Variants in EIF2AK3 observed in about 807,000 individuals in gnomAD.
EIF2AK3 encodes the protein eukaryotic translation initiation factor 2 alpha kinase 3.
In EIF2AK3, 50 loss-of-function variants were observed where a neutral mutation model predicts 113.5. The observed-to-expected ratio is 0.44, with a 90% CI of 0.35 to 0.56. The LOEUF (loss-of-function observed/expected upper bound fraction) is 0.56, where lower values mean the gene tolerates loss of function less well. Ranked by LOEUF, EIF2AK3 falls within the 20% of genes least tolerant of loss-of-function variation. The probability of loss-of-function intolerance (pLI) is 0.00; values close to 1 mark genes in which losing one functional copy is unlikely to be tolerated. For missense variants in EIF2AK3, 1,185 were observed against 1,378.0 expected (o/e 0.86, Z 2.22); for synonymous variants, 448 against 495.4 (o/e 0.90, Z 1.27).
chr2:88,608,696 A>G (rs994794795), intron 2 of EIF2AK3, among the ~76,000 whole-genome samples: 4 of 112,818 alleles, frequency 3.5e-5, no homozygotes, highest in Non-Finnish European at 7.4e-5. Flanking sequence ...GCAGTTTTTG[A>G]TTTCTTTTTT....
Position 88,627,308 on chromosome 2 carries a change from C to T in EIF2AK3, c.-34G>A, listed in dbSNP as rs1488359516. 1 of 1,465,370 alleles carries T rather than the reference C, an allele frequency of 6.8e-7. No individual in the cohort carries two copies. Among genetic ancestry groups the T allele is most frequent in the Admixed American group, 2.3e-5 (1 of 43,362 alleles). The allele number at this position is 1,465,370 out of a possible 1,614,324, so 90.8% of individuals were successfully genotyped here. On this transcript the variant is annotated 5_prime_UTR_variant, in exon 1 of 17. Coordinates refer to ENST00000303236, the MANE Select transcript of EIF2AK3 (RefSeq NM_004836.7). ...CGCCCCGCGCGCAGGCATGGAGGCGCAGCCACTGACGCCTGCCTCTCCCGC... is the reference window on the plus strand; with the variant it reads ...CGCCCCGCGCGCAGGCATGGAGGCGTAGCCACTGACGCCTGCCTCTCCCGC...
intron 6 of EIF2AK3, among the ~76,000 whole-genome samples, chr2:88,589,662 C>T (rs1193709777): frequency 1.3e-5 from 2 of 149,318 alleles, no homozygotes; most frequent in African/African-American, 2.4e-5. Context: ...ATATGTAATA[C>T]ATATATGTAA....
At chr2:88,558,579 C>T (rs1348178142) in intron 16 of EIF2AK3, among the ~76,000 whole-genome samples, 2 of 152,132 alleles carry the variant, frequency 1.3e-5, no homozygotes, top group Admixed American at 1.3e-4. Context: ...TGCAACCCTT[C>T]ATTATAATAC....
intron 2 of EIF2AK3, among the ~76,000 whole-genome samples, chr2:88,602,456 G>C (rs896183460): frequency 3.3e-5 from 5 of 152,008 alleles, no homozygotes; most frequent in Non-Finnish European, 4.4e-5. Flanking sequence ...AAAAGAGTGT[G>C]GCAAGATGCA....
chr2:88,626,249 T>C (rs936628554), intron 1 of EIF2AK3, among the ~76,000 whole-genome samples: 4 of 152,208 alleles, frequency 2.6e-5, no homozygotes, highest in Admixed American at 2.6e-4. Context: ...GTTTATACAG[T>C]AAACCCCTTA....
chr2:88,615,061 A>G (rs1675537381), intron 1 of EIF2AK3, among the ~76,000 whole-genome samples: 1 of 152,152 alleles, frequency 6.6e-6, no homozygotes, highest in African/African-American at 2.4e-5. Context: ...TCAAGCTCAC[A>G]CATCTTGGTG....
At chr2:88,623,325 A>T (rs541883941) in intron 1 of EIF2AK3, among the ~76,000 whole-genome samples, 31 of 152,322 alleles carry the variant, frequency 2.0e-4, no homozygotes, top group African/African-American at 7.5e-4. Flanking sequence ...AAGAACATGG[A>T]CAACGAGATT....
intron 12 of EIF2AK3, 65 bp downstream of exon 12, chr2:88,576,489 A>C: frequency 1.2e-6 from 2 of 1,605,428 alleles, no homozygotes; most frequent in East Asian, 2.2e-5. Flanking sequence ...TAAAGTTATA[A>C]AACTGACATT....
chr2:88,627,440 GC>G lies in EIF2AK3; in HGVS notation c.-167del, dbSNP rs546445500. The G allele has an allele frequency of 1.9e-4, 155 of 834,886 alleles. No individual in the cohort carries two copies. The African/African-American group carries it at 2.5e-3, about 14-fold the overall frequency. 51.7% of individuals were successfully genotyped at this position (834,886 alleles called of 1,614,324 possible). A position where few individuals can be genotyped will look rare whatever the true frequency, so the allele number is the denominator to read the frequency against. On this transcript the variant is annotated 5_prime_UTR_variant, in exon 1 of 17. Coordinates refer to ENST00000303236, the MANE Select transcript of EIF2AK3 (RefSeq NM_004836.7). ...CTGGCCACGTCTCAGCCCGGCCTCT[GC>G]CGCTGCCACCTGAGTGACAGCCTAT...
Position 88,557,630 on chromosome 2 carries a change from A to G in EIF2AK3, c.*106T>C. 2.3e-6 allele frequency: 3 copies of G among 1,284,338 alleles called. No homozygotes were observed. The highest frequency in any genetic ancestry group is 1.2e-5 in the South Asian group (1 of 83,164). The allele number at this position is 1,284,338 out of a possible 1,614,324, so 79.6% of individuals were successfully genotyped here. A position where few individuals can be genotyped will look rare whatever the true frequency, so the allele number is the denominator to read the frequency against. ...TATAAAAAAAGTAGTCCACAAAAAA[A>G]TTGAGCGAAGAACAAACTTTTCAAG... On this transcript the variant is annotated 3_prime_UTR_variant, in exon 17 of 17. Transcript: ENST00000303236.
At chr2:88,578,681 CAAA>C (rs763427318) in intron 11 of EIF2AK3, among the ~76,000 whole-genome samples, 9 of 78,044 alleles carry the variant, frequency 1.2e-4, no homozygotes, top group Non-Finnish European at 1.6e-4. Flanking sequence ...GACCCTGTCT[CAAA>C]AAAAAAAAAA....
intron 1 of EIF2AK3, among the ~76,000 whole-genome samples, chr2:88,615,998 T>C (rs1417050398): frequency 6.6e-6 from 1 of 152,044 alleles, no homozygotes. Flanking sequence ...AAACACACTC[T>C]ATATGGCTTC....
intron 1 of EIF2AK3, among the ~76,000 whole-genome samples, chr2:88,619,023 C>T (rs1342330565): frequency 2.7e-5 from 4 of 148,620 alleles, no homozygotes; most frequent in Middle Eastern, 3.4e-3. Flanking sequence ...TTTGGGGGGA[C>T]GGAGTCTTGC....
chr2:88,579,631 A>C lies in EIF2AK3; in HGVS notation c.1773T>G (p.Thr591=), dbSNP rs755716344. ...CCAGGCATTGAATTGGCTCAAAATC[A>C]GTTAGATATCTTTAAAAAGAGATAA... ...KNSGYISRYL[T]DFEPIQCLGR... Residue 591 remains threonine (T), a synonymous_variant, in exon 11 of 17, where the codon ACT becomes ACG. Transcript: ENST00000303236. The C allele has an allele frequency of 1.9e-6, 3 of 1,613,550 alleles. No individual in the cohort carries two copies. The highest frequency in any genetic ancestry group is 1.7e-5 in the Admixed American group (1 of 60,006).
chr2:88,575,391 G>T lies in EIF2AK3; in HGVS notation c.2092C>A (p.Arg698Ser), dbSNP rs189064501. Residue 698 changes from arginine to serine, a missense_variant, in exon 13 of 17, where the codon CGC (arginine) becomes AGC (serine). Arg to Ser is a moderately radical substitution (Grantham distance 110). Transcript: ENST00000303236. ...TTTGTAGCGAAAGGATCCATTCTGCGTATTTTAACTGATGGTGCATCCATT... is the reference window on the plus strand; with the variant it reads ...TTTGTAGCGAAAGGATCCATTCTGCTTATTTTAACTGATGGTGCATCCATT... ...SPMDAPSVKI[R>S]RMDPFATKEH... is the part of the protein sequence containing the mutation. 4.8e-5 allele frequency: 78 copies of T among 1,613,170 alleles called. 1 individual carries two copies. The East Asian group carries it at 1.7e-3, about 35-fold the overall frequency.
At chr2:88,620,287 C>G (rs879420719) in intron 1 of EIF2AK3, among the ~76,000 whole-genome samples, 4 of 152,200 alleles carry the variant, frequency 2.6e-5, no homozygotes, top group Non-Finnish European at 5.9e-5. Context: ...CCCAGCTCCA[C>G]ACTCCCCCCT....
At chr2:88,600,791 C>T (rs1417355599) in intron 2 of EIF2AK3, among the ~76,000 whole-genome samples, 1 of 152,116 alleles carries the variant, frequency 6.6e-6, no homozygotes, top group Non-Finnish European at 1.5e-5. Context: ...CTAAAATGAG[C>T]ACTACCAGCA....
At chr2:88,559,517 T>TGTGC (rs1259217011) in intron 15 of EIF2AK3, among the ~76,000 whole-genome samples, 1 of 148,642 alleles carries the variant, frequency 6.7e-6, no homozygotes, top group Non-Finnish European at 1.5e-5. Flanking sequence ...TGACTGTGTG[T>TGTGC]GTGTGTGTGT....
intron 14 of EIF2AK3, among the ~76,000 whole-genome samples, chr2:88,566,518 C>A (rs1284197262): frequency 6.6e-6 from 1 of 151,910 alleles, no homozygotes; most frequent in Non-Finnish European, 1.5e-5. Context: ...TTTTTAAAAA[C>A]TCTTTTTTTT....
Sources: gnomAD v4.1 joint callset for allele counts (sites outside exome capture counted in the v4.1 genomes callset) on GRCh38, gnomAD v4.1.1 for gene constraint, MANE v1.5 for transcripts, NCBI Gene and HGNC (gene_info 2026-07-23, HGNC 2026-07-21) for gene names.